DGKB: variants seen among roughly 807,000 people sequenced by gnomAD.
DGKB encodes diacylglycerol kinase beta.
DGKB carries 67 observed loss-of-function variants against 114.3 expected under a neutral mutation model. The observed-to-expected ratio is 0.59, with a 90% CI of 0.48 to 0.72. The LOEUF is 0.72. DGKB is among the 30% of genes least tolerant of loss of function. DGKB has a pLI of 0.00. For synonymous variants in DGKB, 398 were observed against 323.1 expected, an observed-to-expected ratio of 1.23 and a Z score of -2.49; for missense variants, 907 against 975.2, an observed-to-expected ratio of 0.93 and a Z score of 0.93.
intron 21 of DGKB, among the ~76,000 whole-genome samples, chr7:14,358,842 A>G (rs1191666482): frequency 1.3e-5 from 2 of 152,198 alleles, no homozygotes; most frequent in African/African-American, 4.8e-5. Flanking sequence ...GCTCATGGAT[A>G]AGAAGAATCG....
intron 13 of DGKB, among the ~76,000 whole-genome samples, chr7:14,664,362 A>G (rs1366832326): frequency 6.6e-5 from 10 of 151,974 alleles, no homozygotes; most frequent in Non-Finnish European, 1.2e-4. Context: ...TGATACTCTC[A>G]TATCTCTTCT....
intron 15 of DGKB, among the ~76,000 whole-genome samples, chr7:14,614,337 A>C (rs1041652789): frequency 6.6e-6 from 1 of 152,126 alleles, no homozygotes; most frequent in African/African-American, 2.4e-5. Flanking sequence ...TTTTAAAATA[A>C]AAGTATTCCT....
intron 15 of DGKB, among the ~76,000 whole-genome samples, chr7:14,616,827 C>G (rs946305577): frequency 6.6e-6 from 1 of 151,688 alleles, no homozygotes; most frequent in African/African-American, 2.4e-5. Flanking sequence ...CGGTTTCACA[C>G]ACACAAAAAT....
At chr7:14,543,459 CA>C (rs1038658432) in intron 20 of DGKB, among the ~76,000 whole-genome samples, 7 of 148,812 alleles carry the variant, frequency 4.7e-5, no homozygotes, top group South Asian at 2.1e-4. Flanking sequence ...AAAACAAAAA[CA>C]AAAAAAAAGA....
chr7:14,813,424 C>T (rs925654364), intron 2 of DGKB, among the ~76,000 whole-genome samples: 1 of 152,234 alleles, frequency 6.6e-6, no homozygotes, highest in East Asian at 1.9e-4. Flanking sequence ...TAATCTGCAG[C>T]ACAACCTCAG....
chr7:14,846,241 A>G (rs937474985), intron 1 of DGKB, among the ~76,000 whole-genome samples: 21 of 152,178 alleles, frequency 1.4e-4, no homozygotes, highest in Admixed American at 1.3e-3. Context: ...TCCAATACCA[A>G]AATGCTTTGA....
At chr7:14,523,747 A>G (rs1790171750) in intron 20 of DGKB, among the ~76,000 whole-genome samples, 1 of 152,186 alleles carries the variant, frequency 6.6e-6, no homozygotes, top group Non-Finnish European at 1.5e-5. Context: ...GCTGCTGAAT[A>G]TGTTTCATGG....
rs138001294 is a variant in DGKB, at chr7:14,253,225, G to C, written c.2123-75074C>G. ...GATTTTTGTATTTTTAGTAGAGACG[G>C]GGTTTCACCATATTGGCCAGGCTGG... On this transcript the variant is annotated intron_variant, in intron 23 of 25. Transcript: ENST00000402815. Among the ~76,000 whole-genome samples the C allele has an allele frequency of 2.2e-4, 33 of 152,092 alleles. No individual in the cohort carries two copies. The East Asian group carries it at 6.4e-3, about 30-fold the overall frequency.
At chr7:14,581,613 G>C (rs1799944127) in intron 18 of DGKB, among the ~76,000 whole-genome samples, 1 of 152,132 alleles carries the variant, frequency 6.6e-6, no homozygotes, top group Non-Finnish European at 1.5e-5. Flanking sequence ...GCTTTGGTTT[G>C]AATCATTGCA....
chr7:14,411,269 T>G (rs539540307), intron 21 of DGKB, among the ~76,000 whole-genome samples: 1 of 152,202 alleles, frequency 6.6e-6, no homozygotes, highest in African/African-American at 2.4e-5. Context: ...GTCAGTTCGA[T>G]GTATTAAGTG....
chr7:14,560,423 C>A (rs1386622808), intron 20 of DGKB, among the ~76,000 whole-genome samples: 1 of 152,084 alleles, frequency 6.6e-6, no homozygotes, highest in Non-Finnish European at 1.5e-5. Context: ...TGAATTTGAC[C>A]ATTTTATATA....
intron 23 of DGKB, among the ~76,000 whole-genome samples, chr7:14,271,842 G>C (rs986159101): frequency 8.5e-5 from 13 of 152,130 alleles, no homozygotes; most frequent in Non-Finnish European, 2.9e-5. Context: ...CAGGCAAAGC[G>C]TGATTTTCCA....
intron 23 of DGKB, among the ~76,000 whole-genome samples, chr7:14,193,658 C>T (rs965016253): frequency 6.6e-6 from 1 of 152,052 alleles, no homozygotes; most frequent in African/African-American, 2.4e-5. Context: ...TAAATAAGAT[C>T]TCAAAAGCAC....
intron 17 of DGKB, among the ~76,000 whole-genome samples, chr7:14,601,228 G>T (rs1322992640): frequency 6.6e-6 from 1 of 152,172 alleles, no homozygotes; most frequent in African/African-American, 2.4e-5. Flanking sequence ...TGCTGCACTA[G>T]AATGCATTGA....
chr7:14,869,721 T>C (rs1852185462), intron 1 of DGKB, among the ~76,000 whole-genome samples: 1 of 152,108 alleles, frequency 6.6e-6, no homozygotes, highest in South Asian at 2.1e-4. Flanking sequence ...TATTCTATAC[T>C]TAAGTTACTA....
At chr7:14,212,409 T>A (rs866496693) in intron 23 of DGKB, among the ~76,000 whole-genome samples, 5 of 18,618 alleles carry the variant, frequency 2.7e-4, no homozygotes, top group Non-Finnish European at 7.4e-4. Flanking sequence ...GTTTTGTGAT[T>A]TTACTCTCGT....
At chr7:14,765,793 C>T (rs2128461844) in intron 2 of DGKB, among the ~76,000 whole-genome samples, 1 of 152,038 alleles carries the variant, frequency 6.6e-6, no homozygotes, top group Non-Finnish European at 1.5e-5. Context: ...CTATTGAAAA[C>T]ATAATTGCTA....
chr7:14,169,640 G>A (rs1482251032), intron 25 of DGKB, among the ~76,000 whole-genome samples: 3 of 152,066 alleles, frequency 2.0e-5, no homozygotes, highest in Non-Finnish European at 2.9e-5. Flanking sequence ...GTAAAATGAG[G>A]AGGCATTGAA....
chr7:14,614,682 G>A (rs568454585), intron 15 of DGKB, among the ~76,000 whole-genome samples: 2 of 152,040 alleles, frequency 1.3e-5, no homozygotes, highest in South Asian at 2.1e-4. Context: ...TAGGCAATGG[G>A]GAAATGTTAA....
Sources: allele counts gnomAD v4.1 joint callset (sites outside exome capture counted in the v4.1 genomes callset), GRCh38; gene constraint gnomAD v4.1.1; transcripts MANE v1.5; gene names NCBI Gene and HGNC (gene_info 2026-07-23, HGNC 2026-07-21).